CACNA2D3: variants seen among roughly 807,000 people sequenced by gnomAD.
CACNA2D3 encodes the protein calcium voltage-gated channel auxiliary subunit alpha2delta 3.
Under a neutral mutation model 160.6 loss-of-function variants are expected in CACNA2D3, and 60 were observed. The ratio of observed to expected loss-of-function variants is 0.37; its 90% confidence interval spans 0.30 to 0.46. CACNA2D3 has a LOEUF of 0.46. Ranked by LOEUF, CACNA2D3 falls within the 20% of genes least tolerant of loss-of-function variation. The pLI is 1.00. For missense variants in CACNA2D3, 1,205 were observed against 1,365.0 expected, an observed-to-expected ratio of 0.88 and a Z score of 1.85; for synonymous variants, 558 against 492.9, an observed-to-expected ratio of 1.13 and a Z score of -1.75.
chr3:54,558,766 C>T (rs1441529765), intron 5 of CACNA2D3, among the ~76,000 whole-genome samples: 3 of 152,240 alleles, frequency 2.0e-5, no homozygotes, highest in Middle Eastern at 3.4e-3. Context: ...TTTTTATGGC[C>T]GTGTATTATT....
At chr3:54,548,342 A>G (rs1427359417) in intron 5 of CACNA2D3, among the ~76,000 whole-genome samples, 1 of 152,268 alleles carries the variant, frequency 6.6e-6, no homozygotes, top group Non-Finnish European at 1.5e-5. Flanking sequence ...CTCCAACATC[A>G]TGAAATACAT....
chr3:54,193,174 T>C (rs535626898), intron 2 of CACNA2D3, among the ~76,000 whole-genome samples: 3,588 of 152,234 alleles, frequency 0.024, 137 homozygotes, highest in African/African-American at 0.079. Flanking sequence ...TACTTCCCAG[T>C]TATGTGGTGA....
chr3:54,910,464 G>T (rs896437886), intron 27 of CACNA2D3, among the ~76,000 whole-genome samples: 5 of 151,974 alleles, frequency 3.3e-5, no homozygotes, highest in African/African-American at 1.2e-4. Flanking sequence ...TTGTTCTTTT[G>T]TCGTGGCCTA....
At chr3:54,481,807 G>A (rs1018845637) in intron 4 of CACNA2D3, among the ~76,000 whole-genome samples, 2 of 152,200 alleles carry the variant, frequency 1.3e-5, no homozygotes, top group Admixed American at 6.5e-5. Context: ...AGCAATGTCT[G>A]TGTTAGTTTA....
intron 13 of CACNA2D3, among the ~76,000 whole-genome samples, chr3:54,782,939 C>T (rs1288893819): frequency 1.3e-5 from 2 of 152,086 alleles, no homozygotes; most frequent in South Asian, 2.1e-4. Context: ...GCAGGTAAAA[C>T]GCACACCAGA....
Position 55,074,356 on chromosome 3 carries a change from A to G in CACNA2D3, c.*150A>G, listed in dbSNP as rs1704901369. Reference sequence around the variant, plus strand: ...ATCATGATTTTAAACTGTGCGTGATATAAACTCTTAAAGATATGTTGACAA... The same window carrying G: ...ATCATGATTTTAAACTGTGCGTGATGTAAACTCTTAAAGATATGTTGACAA... On this transcript the variant is annotated 3_prime_UTR_variant, in exon 38 of 38. Coordinates refer to ENST00000474759, the MANE Select transcript of CACNA2D3 (RefSeq NM_018398.3). 3.1e-6 allele frequency: 2 copies of G among 647,362 alleles called. No homozygotes were observed. Among genetic ancestry groups the G allele is most frequent in the Non-Finnish European group, 5.5e-6 (2 of 364,246 alleles). 40.1% of individuals were successfully genotyped at this position (647,362 alleles called of 1,614,324 possible).
At chr3:54,777,992 T>C (rs1882322) in intron 13 of CACNA2D3, among the ~76,000 whole-genome samples, 38,024 of 152,150 alleles carry the variant, frequency 0.25, 4,862 homozygotes, top group Admixed American at 0.31. Flanking sequence ...TTAAGTAGGA[T>C]CACCACGGGC....
At chr3:54,500,210 C>T (rs929421683) in intron 4 of CACNA2D3, among the ~76,000 whole-genome samples, 2 of 152,156 alleles carry the variant, frequency 1.3e-5, no homozygotes, top group African/African-American at 4.8e-5. Flanking sequence ...ATTAAACCAA[C>T]TACCCTCACT....
Position 54,562,929 on chromosome 3 carries a change from C to T in CACNA2D3, c.674C>T (p.Pro225Leu), listed in dbSNP as rs764584982. 5 of 1,612,822 alleles carry T rather than the reference C, an allele frequency of 3.1e-6. No individual in the cohort carries two copies. Among genetic ancestry groups the T allele is most frequent in the South Asian group, 1.1e-5 (1 of 90,924 alleles). ...GCAAAGGGCTTTTTTAGGCAGTATCCGGGTGAGTATACCTGCATTGACAGT... is the reference window on the plus strand; with the variant it reads ...GCAAAGGGCTTTTTTAGGCAGTATCTGGGTGAGTATACCTGCATTGACAGT... ...GSAKGFFRQY[P>L]GIKWEPDENG... Residue 225 changes from proline (P) to leucine (L), a missense_variant and splice_region_variant, in exon 6 of 38, where the codon CCG becomes CTG. By Grantham distance (98) the Pro-to-Leu change is moderately conservative. Coordinates refer to ENST00000474759, the MANE Select transcript of CACNA2D3 (RefSeq NM_018398.3).
At chr3:54,175,344 C>T (rs1392659374) in intron 2 of CACNA2D3, among the ~76,000 whole-genome samples, 3 of 152,076 alleles carry the variant, frequency 2.0e-5, no homozygotes, top group Non-Finnish European at 4.4e-5. Flanking sequence ...AGGCCGGGCG[C>T]GGTGGTTTAC....
intron 34 of CACNA2D3, among the ~76,000 whole-genome samples, chr3:55,011,835 A>G (rs961295298): frequency 6.6e-6 from 1 of 152,222 alleles, no homozygotes; most frequent in African/African-American, 2.4e-5. Flanking sequence ...AAGATGAGGA[A>G]GAACCTACTA....
chr3:54,148,210 C>T (rs1434086579), intron 2 of CACNA2D3, among the ~76,000 whole-genome samples: 1 of 152,236 alleles, frequency 6.6e-6, no homozygotes, highest in African/African-American at 2.4e-5. Context: ...CTTCCATATA[C>T]TACATACAGT....
intron 27 of CACNA2D3, among the ~76,000 whole-genome samples, chr3:54,911,667 A>G (rs1700559465): frequency 6.6e-6 from 1 of 152,046 alleles, no homozygotes; most frequent in African/African-American, 2.4e-5. Flanking sequence ...CTGGATTGTC[A>G]TAGAAGCAGC....
intron 29 of CACNA2D3, among the ~76,000 whole-genome samples, chr3:54,983,555 C>T (rs748261112): frequency 1.4e-4 from 21 of 152,166 alleles, no homozygotes; most frequent in Non-Finnish European, 2.6e-4. Flanking sequence ...TGCTGTTCAC[C>T]AGAGCAGCCA....
At chr3:54,998,837 C>T (rs1559459301) in intron 31 of CACNA2D3, among the ~76,000 whole-genome samples, 1 of 152,102 alleles carries the variant, frequency 6.6e-6, no homozygotes, top group Non-Finnish European at 1.5e-5. Context: ...AGCTCCGTCT[C>T]CAGGGTTCAC....
At chr3:54,459,829 A>G (rs1264955128) in intron 4 of CACNA2D3, among the ~76,000 whole-genome samples, 8 of 152,266 alleles carry the variant, frequency 5.3e-5, no homozygotes, top group East Asian at 1.9e-4. Flanking sequence ...TTGGTGTTTT[A>G]GACATGAAGT....
chr3:54,452,949 C>CT (rs900770706), intron 4 of CACNA2D3, among the ~76,000 whole-genome samples: 9 of 151,954 alleles, frequency 5.9e-5, no homozygotes, highest in African/African-American at 1.9e-4. Flanking sequence ...TCTATGTCTT[C>CT]TTTTTTTCTT....
At chr3:54,900,699 C>T (rs1401201052) in intron 27 of CACNA2D3, among the ~76,000 whole-genome samples, 1 of 152,194 alleles carries the variant, frequency 6.6e-6, no homozygotes, top group East Asian at 1.9e-4. Flanking sequence ...CCAGCAGTCT[C>T]CCTCAATAAG....
intron 13 of CACNA2D3, among the ~76,000 whole-genome samples, chr3:54,792,989 C>T (rs1050885505): frequency 6.6e-6 from 1 of 152,162 alleles, no homozygotes; most frequent in Non-Finnish European, 1.5e-5. Context: ...TTAGATAGAA[C>T]AGCCTATGAG....
Sources: gnomAD v4.1 joint callset for allele counts (sites outside exome capture counted in the v4.1 genomes callset) on GRCh38, gnomAD v4.1.1 for gene constraint, MANE v1.5 for transcripts, NCBI Gene and HGNC (gene_info 2026-07-23, HGNC 2026-07-21) for gene names.